The following ZAP70 variants were observed in gnomAD, a reference collection of about 807,000 sequenced individuals.
ZAP70 encodes tyrosine-protein kinase ZAP-70.
ZAP70 carries 27 observed loss-of-function variants against 65.8 expected under a neutral mutation model. The observed-to-expected ratio is 0.41, with a 90% CI of 0.30 to 0.57. The LOEUF is 0.57. Ranked by LOEUF, ZAP70 falls within the 20% of genes least tolerant of loss-of-function variation. ZAP70 has a pLI of 0.28. For synonymous variants in ZAP70, 363 were observed against 360.8 expected (o/e 1.01, Z -0.07); for missense variants, 696 against 870.5 (o/e 0.80, Z 2.52).
intron 4 of ZAP70, among the ~76,000 whole-genome samples, chr2:97,729,264 C>T (rs752263954): frequency 3.3e-5 from 5 of 152,230 alleles, no homozygotes; most frequent in African/African-American, 4.8e-5. Context: ...ATAAGGAAAC[C>T]GAGGCACAGC....
intron 2 of ZAP70, among the ~76,000 whole-genome samples, 187 bp downstream of exon 2, chr2:97,714,181 A>G (rs1289106357): frequency 6.6e-6 from 1 of 152,050 alleles, no homozygotes; most frequent in African/African-American, 2.4e-5. Context: ...ACGCTGAGGG[A>G]AGCAGCTCCC....
At chr2:97,717,887 A>G (rs892265156) in intron 2 of ZAP70, among the ~76,000 whole-genome samples, 1 of 152,122 alleles carries the variant, frequency 6.6e-6, no homozygotes, top group East Asian at 1.9e-4. Context: ...CCTTCTGACC[A>G]GGCTCCAAGG....
At position 97,724,251 on chromosome 2, in the gene ZAP70, C is replaced by G; in HGVS notation, c.215C>G (p.Ala72Gly). Residue 72 changes from alanine (A) to glycine (G), a missense_variant, in exon 3 of 14, where the codon GCC (alanine) becomes GGC (glycine). This residue lies in a region of ZAP70 where 551 missense variants were observed against 630.0 expected (regional missense o/e 0.87). Coordinates refer to ENST00000264972, the MANE Select transcript of ZAP70 (RefSeq NM_001079.4). ...ERQLNGTYAI[A>G]GGKAHCGPAE... Reference sequence around the variant, plus strand: ...CAGCTCAACGGCACCTACGCCATTGCCGGCGGCAAAGCGCACTGTGGACCG... The same window carrying G: ...CAGCTCAACGGCACCTACGCCATTGGCGGCGGCAAAGCGCACTGTGGACCG... The G allele has an allele frequency of 6.2e-7, 1 of 1,604,866 alleles. No individual in the cohort carries two copies. Among genetic ancestry groups the G allele is most frequent in the Non-Finnish European group, 8.5e-7 (1 of 1,177,768 alleles).
At chr2:97,754,855 T>C in the ZAP70 span, among the ~76,000 whole-genome samples, 1 of 152,220 alleles carries the variant, frequency 6.6e-6, no homozygotes, top group East Asian at 1.9e-4. Context: ...GCTGCTAACA[T>C]TGTACAAGGC....
the ZAP70 span, among the ~76,000 whole-genome samples, chr2:97,753,304 C>T: frequency 6.6e-6 from 1 of 152,174 alleles, no homozygotes; most frequent in Non-Finnish European, 1.5e-5. Flanking sequence ...AAGGACCTCA[C>T]AACTACTATA....
At chr2:97,740,522 T>A (rs925283416), downstream of ZAP70, among the ~76,000 whole-genome samples, 1 of 152,200 alleles carries the variant, frequency 6.6e-6, no homozygotes, top group Non-Finnish European at 1.5e-5. Context: ...TGCCTTTTGG[T>A]CATCATTATG....
chr2:97,743,233 C>T (rs1348762775), downstream of ZAP70, among the ~76,000 whole-genome samples: 2 of 152,234 alleles, frequency 1.3e-5, no homozygotes, highest in African/African-American at 2.4e-5. Context: ...ACCTCTGGCT[C>T]TCCACTTCCG....
rs79677614 is a variant in ZAP70, at chr2:97,729,506, G to A, written c.564-3377G>A. Among the ~76,000 whole-genome samples, 887 of 152,278 alleles carry A rather than the reference G, an allele frequency of 5.8e-3. 20 individuals carry two copies. Among genetic ancestry groups the A allele is most frequent in the East Asian group, 0.026 (133 of 5,190 alleles). ...CTTTGTGGGGAGTGCTGTGATTATA[G>A]GACAAATATGTGAGGAATTTAGAAC... is the stretch of plus-strand genomic sequence containing the variant. On this transcript the variant is annotated intron_variant, in intron 4 of 13. Coordinates refer to ENST00000264972, the MANE Select transcript of ZAP70 (RefSeq NM_001079.4).
chr2:97,728,433 C>A (rs1208178104), intron 4 of ZAP70, among the ~76,000 whole-genome samples: 1 of 152,236 alleles, frequency 6.6e-6, no homozygotes, highest in Non-Finnish European at 1.5e-5. Flanking sequence ...AAGAGCCAGG[C>A]TCCTGGAAAA....
At chr2:97,726,587 T>A (rs1448080603) in intron 4 of ZAP70, among the ~76,000 whole-genome samples, 1 of 152,268 alleles carries the variant, frequency 6.6e-6, no homozygotes, top group Non-Finnish European at 1.5e-5. Flanking sequence ...ATCCCTTGAT[T>A]TTCCTCACCC....
In ZAP70 at chr2:97,735,367, G is replaced by T; in HGVS notation, c.1200G>T (p.Arg400=). The T allele has an allele frequency of 6.2e-7, 1 of 1,614,122 alleles. No individual in the cohort carries two copies. The highest frequency in any genetic ancestry group is 8.5e-7 in the Non-Finnish European group (1 of 1,179,974). Residue 400 remains arginine (R), a synonymous_variant, in exon 10 of 14, where the codon CGG becomes CGT. Coordinates refer to ENST00000264972, the MANE Select transcript of ZAP70 (RefSeq NM_001079.4). ...AGCTGGACAACCCCTACATCGTGCGGCTCATTGGCGTCTGCCAGGCCGAGG... is the reference window on the plus strand; with the variant it reads ...AGCTGGACAACCCCTACATCGTGCGTCTCATTGGCGTCTGCCAGGCCGAGG... ...MHQLDNPYIV[R]LIGVCQAEAL...
rs747766986 is a variant in ZAP70 at position 97,738,105 on chromosome 2, C to A, written c.1734C>A (p.Tyr578Ter). The change falls in exon 13 of 14, where the codon TAC becomes TAA. Residue 578 changes from tyrosine (Y) to a stop codon, truncating the protein, a stop_gained and splice_region_variant. Coordinates refer to ENST00000264972, the MANE Select transcript of ZAP70 (RefSeq NM_001079.4). LOFTEE classifies it low-confidence loss of function (END_TRUNC). ...CACTCATGAGTGACTGCTGGATCTA[C>A]AAGTGAGTGCCAGTGGGGAGGGGAC... is the stretch of plus-strand genomic sequence containing the variant. Reference protein sequence around the residue: ...LYALMSDCWIYKWEDRPDFLT... With the variant: ...LYALMSDCWI 6.3e-7 allele frequency: 1 copy of A among 1,595,448 alleles called. No individual in the cohort carries two copies. The highest frequency in any genetic ancestry group is 8.5e-7 in the Non-Finnish European group (1 of 1,170,662).
chr2:97,745,131 C>T, the ZAP70 span, among the ~76,000 whole-genome samples: 6 of 152,194 alleles, frequency 3.9e-5, no homozygotes, highest in African/African-American at 9.6e-5. Flanking sequence ...CTCTGCCTCC[C>T]GGGCTCAAGC....
intron 8 of ZAP70, chr2:97,734,132 T>C (rs1573281712): frequency 3.4e-6 from 1 of 296,820 alleles, no homozygotes; most frequent in African/African-American, 2.1e-5. Flanking sequence ...CATAGTTACA[T>C]GTGCACCTAG....
intron 2 of ZAP70, among the ~76,000 whole-genome samples, chr2:97,720,333 T>C (rs1559317511): frequency 6.6e-6 from 1 of 152,128 alleles, no homozygotes; most frequent in Non-Finnish European, 1.5e-5. Flanking sequence ...GTTCAAGCGA[T>C]TCTCCTGCCT....
At chr2:97,716,313 C>G (rs1247419014) in intron 2 of ZAP70, among the ~76,000 whole-genome samples, 1 of 152,182 alleles carries the variant, frequency 6.6e-6, no homozygotes, top group Non-Finnish European at 1.5e-5. Flanking sequence ...GACTGCAGAC[C>G]TTTGTAGGTA....
Position 97,739,457 on chromosome 2 carries a change from C to T in ZAP70, c.1819C>T (p.Pro607Ser), listed in dbSNP as rs777594416. ...YYSLASKVEGPPGSTQKAEAA... is the reference protein window; with the variant it reads ...YYSLASKVEGSPGSTQKAEAA... ...CAGCCTGGCCAGCAAGGTGGAAGGGCCCCCAGGCAGCACACAGAAGGCTGA... is the reference window on the plus strand; with the variant it reads ...CAGCCTGGCCAGCAAGGTGGAAGGGTCCCCAGGCAGCACACAGAAGGCTGA... The change falls in exon 14 of 14, where the codon CCC (proline) becomes TCC (serine). Residue 607 changes from proline (P) to serine (S), a missense_variant. By Grantham distance (74) the Pro-to-Ser change is moderately conservative. Around this residue, in one of 3 missense-constraint regions of ZAP70, gnomAD observed 78 missense variants for 88.6 expected, o/e 0.88. Transcript: ENST00000264972. 1 of 1,613,722 alleles carries T rather than the reference C, an allele frequency of 6.2e-7. No individual in the cohort carries two copies. The highest frequency in any genetic ancestry group is 1.1e-5 in the South Asian group (1 of 91,074).
chr2:97,739,277 A>G (rs1159780496), intron 13 of ZAP70, 98 bp from the exon 14 acceptor site: 2 of 1,557,590 alleles, frequency 1.3e-6, no homozygotes, highest in Non-Finnish European at 1.7e-6. Context: ...CTGAGCCCCA[A>G]AAGTCTACCT....
chr2:97,723,680 T>C (rs1445156142), intron 2 of ZAP70, among the ~76,000 whole-genome samples: 2 of 152,224 alleles, frequency 1.3e-5, no homozygotes, highest in African/African-American at 2.4e-5. Context: ...AGCGTGCATA[T>C]CCCCAGCACC....
Sources: gnomAD v4.1 joint callset for allele counts (sites outside exome capture counted in the v4.1 genomes callset) on GRCh38, gnomAD v4.1.1 for gene constraint, gnomAD v4.1.1 regional missense constraint, MANE v1.5 for transcripts, NCBI Gene and HGNC (gene_info 2026-07-23, HGNC 2026-07-21) for gene names.